The following FBXL7 variants were observed in gnomAD, a reference collection of about 807,000 sequenced individuals.
The protein encoded by FBXL7 is F-box/LRR-repeat protein 7.
Under a neutral mutation model 38.3 loss-of-function variants are expected in FBXL7, and 12 were observed. That is an observed-to-expected ratio of 0.31 (90% CI 0.20 to 0.51). FBXL7 has a LOEUF of 0.51. Among genes scored for constraint, FBXL7 ranks in the 20% least tolerant of loss-of-function variants. The probability of loss-of-function intolerance (pLI) is 0.98; values close to 1 mark genes in which losing one functional copy is unlikely to be tolerated. For synonymous variants in FBXL7, 297 were observed against 300.9 expected, an observed-to-expected ratio of 0.99 and a Z score of 0.13; for missense variants, 567 against 676.4, an observed-to-expected ratio of 0.84 and a Z score of 1.79.
At chr5:15,615,054 A>C (rs1258162370) in intron 1 of FBXL7, among the ~76,000 whole-genome samples, 3 of 152,192 alleles carry the variant, frequency 2.0e-5, no homozygotes, top group Admixed American at 6.5e-5. Flanking sequence ...GCGGACATGG[A>C]TACCATGAGG....
intron 2 of FBXL7, among the ~76,000 whole-genome samples, chr5:15,677,807 G>C (rs1485949292): frequency 6.6e-6 from 1 of 152,138 alleles, no homozygotes; most frequent in Admixed American, 6.5e-5. Context: ...ACTAACATTA[G>C]TGGTGGAGGT....
chr5:15,824,048 C>A (rs1375392079), intron 2 of FBXL7, among the ~76,000 whole-genome samples: 1 of 152,008 alleles, frequency 6.6e-6, no homozygotes, highest in Non-Finnish European at 1.5e-5. Context: ...GAGGCTGAGG[C>A]GGGCGGATCA....
At chr5:15,613,817 G>A (rs1740340934) in intron 1 of FBXL7, among the ~76,000 whole-genome samples, 1 of 152,176 alleles carries the variant, frequency 6.6e-6, no homozygotes, top group Admixed American at 6.5e-5. Flanking sequence ...ACCATAGACT[G>A]GGGGGCTTAT....
intron 2 of FBXL7, among the ~76,000 whole-genome samples, chr5:15,843,111 ATCTC>A (rs1487033161): frequency 6.6e-6 from 1 of 152,152 alleles, no homozygotes; most frequent in African/African-American, 2.4e-5. Context: ...GGAAATTTCT[ATCTC>A]TCTTGTTTAT....
chr5:15,802,565 C>T (rs1737598273), intron 2 of FBXL7, among the ~76,000 whole-genome samples: 1 of 152,052 alleles, frequency 6.6e-6, no homozygotes, highest in Non-Finnish European at 1.5e-5. Flanking sequence ...GTCTCCTTTC[C>T]ATCTCAGCTT....
At chr5:15,924,083 G>A (rs1341026337) in intron 2 of FBXL7, among the ~76,000 whole-genome samples, 1 of 152,070 alleles carries the variant, frequency 6.6e-6, no homozygotes, top group Non-Finnish European at 1.5e-5. Flanking sequence ...ATAAATCTCT[G>A]CGTACTCATA....
chr5:15,616,518 C>T (rs955772394), intron 2 of FBXL7, among the ~76,000 whole-genome samples: 1 of 152,044 alleles, frequency 6.6e-6, no homozygotes, highest in Non-Finnish European at 1.5e-5. Flanking sequence ...AGTTAATCTC[C>T]AAAATTTGGG....
intron 1 of FBXL7, among the ~76,000 whole-genome samples, chr5:15,589,025 C>A (rs539642500): frequency 6.6e-6 from 1 of 152,202 alleles, no homozygotes; most frequent in South Asian, 2.1e-4. Flanking sequence ...CAGATGATTT[C>A]TTGTTGTTGT....
intron 2 of FBXL7, among the ~76,000 whole-genome samples, chr5:15,867,613 G>A (rs1739771409): frequency 6.6e-6 from 1 of 152,138 alleles, no homozygotes; most frequent in Non-Finnish European, 1.5e-5. Context: ...CTATTAAATG[G>A]CAAAAAGGAT....
intron 1 of FBXL7, among the ~76,000 whole-genome samples, chr5:15,572,020 G>C (rs116339687): frequency 0.01 from 1,540 of 152,218 alleles, 14 homozygotes; most frequent in Non-Finnish European, 0.016. Context: ...GTATTCATAT[G>C]TGAAATATCT....
chr5:15,779,490 A>G (rs1736938886), intron 2 of FBXL7, among the ~76,000 whole-genome samples: 1 of 152,104 alleles, frequency 6.6e-6, no homozygotes. Flanking sequence ...AAATTTTTTA[A>G]AAAGCTATCA....
At chr5:15,583,704 G>A (rs1003910217) in intron 1 of FBXL7, among the ~76,000 whole-genome samples, 6 of 152,158 alleles carry the variant, frequency 3.9e-5, no homozygotes, top group African/African-American at 7.2e-5. Context: ...ACAGGCTGTC[G>A]TTGAGTGCCT....
intron 2 of FBXL7, among the ~76,000 whole-genome samples, chr5:15,745,388 C>G (rs1735988837): frequency 6.6e-6 from 1 of 152,112 alleles, no homozygotes; most frequent in Admixed American, 6.6e-5. Context: ...TAGGCATTCT[C>G]TAGATGTGAG....
chr5:15,551,775 T>A (rs1738079765), intron 1 of FBXL7, among the ~76,000 whole-genome samples: 1 of 152,232 alleles, frequency 6.6e-6, no homozygotes, highest in South Asian at 2.1e-4. Context: ...TGAATATGTG[T>A]GTGGATACAG....
chr5:15,610,246 C>CT (rs918432575), intron 1 of FBXL7, among the ~76,000 whole-genome samples: 1 of 152,114 alleles, frequency 6.6e-6, no homozygotes, highest in Admixed American at 6.5e-5. Flanking sequence ...AACACACCCT[C>CT]TTTTTTCTCA....
chr5:15,674,124 C>G (rs1742575848), intron 2 of FBXL7, among the ~76,000 whole-genome samples: 1 of 152,150 alleles, frequency 6.6e-6, no homozygotes, highest in Non-Finnish European at 1.5e-5. Flanking sequence ...ATTTCCTTAG[C>G]TTTGAAACAG....
intron 2 of FBXL7, among the ~76,000 whole-genome samples, chr5:15,924,604 C>G (rs1040318243): frequency 6.7e-6 from 1 of 148,874 alleles, no homozygotes; most frequent in Middle Eastern, 3.4e-3. Context: ...GGAGGAAGTT[C>G]TGTCTGCTTC....
At position 15,610,332 on chromosome 5, in the gene FBXL7, CCA is replaced by C. The variant is rs147145119; in HGVS notation, c.38-5650_38-5649del. ...GTGCCTCTCTTGCCCCTGGTCATTTCCAGTGTCACCATGGGGTGGCTTCCTGT... is the reference window on the plus strand; with the variant it reads ...GTGCCTCTCTTGCCCCTGGTCATTTCGTGTCACCATGGGGTGGCTTCCTGT... On this transcript the variant is annotated intron_variant, in intron 1 of 3. Transcript: ENST00000504595. Among the ~76,000 whole-genome samples, 718 of 152,268 alleles carry C rather than the reference CCA, an allele frequency of 4.7e-3. 5 individuals are homozygous for C. The highest frequency in any genetic ancestry group is 0.017 in the African/African-American group (698 of 41,548).
At chr5:15,642,329 T>A (rs550514221) in intron 2 of FBXL7, among the ~76,000 whole-genome samples, 2 of 152,290 alleles carry the variant, frequency 1.3e-5, no homozygotes, top group African/African-American at 4.8e-5. Context: ...GGCCAGGATA[T>A]GTAACTCTCC....
Sources: allele counts gnomAD v4.1 joint callset (sites outside exome capture counted in the v4.1 genomes callset), GRCh38; gene constraint gnomAD v4.1.1; transcripts MANE v1.5; gene names NCBI Gene and HGNC (gene_info 2026-07-23, HGNC 2026-07-21).